Variants in FGF1 observed in about 807,000 individuals in gnomAD.
The protein encoded by FGF1 is fibroblast growth factor 1.
FGF1 carries 9 observed loss-of-function variants against 13.4 expected under a neutral mutation model. The ratio of observed to expected loss-of-function variants is 0.67; its 90% confidence interval spans 0.40 to 1.17. The LOEUF (loss-of-function observed/expected upper bound fraction) is 1.17. Among genes scored for constraint, FGF1 ranks in the 50% most tolerant of loss-of-function variants. FGF1 has a pLI of 0.01. For missense variants in FGF1, 156 were observed against 192.7 expected (o/e 0.81, Z 1.13); for synonymous variants, 93 against 79.0 (o/e 1.18, Z -0.94).
intron 1 of FGF1, among the ~76,000 whole-genome samples, chr5:142,652,535 C>T (rs1188763956): frequency 2.6e-5 from 4 of 152,176 alleles, no homozygotes; most frequent in African/African-American, 9.7e-5. Flanking sequence ...GAGCTAATTA[C>T]CCTGAAGACC....
At chr5:142,616,431 C>T (rs1025915045) in intron 1 of FGF1, among the ~76,000 whole-genome samples, 6 of 151,994 alleles carry the variant, frequency 3.9e-5, no homozygotes, top group African/African-American at 1.2e-4. Context: ...GGTGAAACTT[C>T]GATTAATTCT....
At chr5:142,596,949 A>G (rs1755411897) in intron 3 of FGF1, among the ~76,000 whole-genome samples, 1 of 152,222 alleles carries the variant, frequency 6.6e-6, no homozygotes, top group Non-Finnish European at 1.5e-5. Flanking sequence ...TATCATCAAA[A>G]TGTCATGTTT....
At chr5:142,681,038 A>G (rs1053305882) in intron 1 of FGF1, among the ~76,000 whole-genome samples, 2 of 152,162 alleles carry the variant, frequency 1.3e-5, no homozygotes, top group Non-Finnish European at 2.9e-5. Context: ...TTCCTGGAGG[A>G]GCAGAGATGA....
upstream of FGF1, among the ~76,000 whole-genome samples, chr5:142,689,172 C>T (rs1419493930): frequency 1.3e-5 from 2 of 152,168 alleles, no homozygotes; most frequent in Non-Finnish European, 2.9e-5. Flanking sequence ...ACAAATGATA[C>T]AGTTATGTGA....
intron 1 of FGF1, among the ~76,000 whole-genome samples, chr5:142,677,790 C>T (rs953701418): frequency 4.6e-5 from 7 of 152,170 alleles, no homozygotes; most frequent in Admixed American, 1.3e-4. Context: ...TAGCAGGGAG[C>T]AAAACAGACA....
chr5:142,642,205 G>A (rs918041158), intron 1 of FGF1, among the ~76,000 whole-genome samples: 9 of 152,170 alleles, frequency 5.9e-5, no homozygotes, highest in Non-Finnish European at 1.3e-4. Flanking sequence ...GGTGCTGTCA[G>A]CAGTGACCTT....
intron 1 of FGF1, among the ~76,000 whole-genome samples, chr5:142,676,143 G>C (rs535905859): frequency 2.0e-5 from 3 of 152,096 alleles, no homozygotes; most frequent in Admixed American, 1.3e-4. Context: ...AAAAAAGGCC[G>C]ACAAAGGAAC....
rs1318447451 is a variant in FGF1, at chr5:142,593,343, AC to A, written c.*1946del. Reference sequence around the variant, plus strand: ...AAAACAGATTGATCTTATCCAAGTAACAAAAACAAAAAAGTTATGAAATTAT... The same window carrying A: ...AAAACAGATTGATCTTATCCAAGTAAAAAAACAAAAAAGTTATGAAATTAT... On this transcript the variant is annotated 3_prime_UTR_variant, in exon 4 of 4. Coordinates refer to ENST00000337706, the MANE Select transcript of FGF1 (RefSeq NM_000800.5). The A allele has an allele frequency of 6.6e-6, 1 of 152,262 alleles. No individual in the cohort carries two copies. The highest frequency in any genetic ancestry group is 2.4e-5 in the African/African-American group (1 of 41,466). The allele number at this position is 152,262 out of a possible 1,614,324, so 9.4% of individuals were successfully genotyped here.
At chr5:142,645,214 G>C (rs1343316042) in intron 1 of FGF1, among the ~76,000 whole-genome samples, 1 of 152,194 alleles carries the variant, frequency 6.6e-6, no homozygotes. Context: ...ACAATGGAGT[G>C]AGTATTCCCT....
intron 1 of FGF1, among the ~76,000 whole-genome samples, chr5:142,646,057 T>C (rs555376172): frequency 1.5e-4 from 23 of 152,086 alleles, no homozygotes; most frequent in South Asian, 4.2e-4. Flanking sequence ...TACAGGCGCC[T>C]GCCACCACAC....
intron 2 of FGF1, among the ~76,000 whole-genome samples, chr5:142,696,473 C>T (rs1216023672): frequency 6.6e-6 from 1 of 152,166 alleles, no homozygotes; most frequent in Non-Finnish European, 1.5e-5. Flanking sequence ...CACATTCGTT[C>T]TATGAGATTG....
intron 1 of FGF1, among the ~76,000 whole-genome samples, chr5:142,649,933 A>C (rs1026630417): frequency 2.6e-5 from 4 of 152,264 alleles, no homozygotes; most frequent in Non-Finnish European, 5.9e-5. Context: ...AATCAGAATT[A>C]CATGAGACAT....
chr5:142,658,314 T>G (rs964577812), intron 1 of FGF1, among the ~76,000 whole-genome samples: 2 of 152,272 alleles, frequency 1.3e-5, no homozygotes, highest in African/African-American at 4.8e-5. Context: ...TTTCTCTCTG[T>G]AGCTTATTCC....
intron 1 of FGF1, among the ~76,000 whole-genome samples, chr5:142,615,709 A>G (rs904227075): frequency 2.6e-5 from 4 of 152,226 alleles, no homozygotes; most frequent in African/African-American, 9.6e-5. Context: ...AATAAAACCA[A>G]AGCTTACAGA....
chr5:142,598,484 G>A (rs1273019603), intron 3 of FGF1, among the ~76,000 whole-genome samples: 1 of 151,622 alleles, frequency 6.6e-6, no homozygotes, highest in Non-Finnish European at 1.5e-5. Flanking sequence ...AATTACATAG[G>A]TGACATATAC....
intron 2 of FGF1, among the ~76,000 whole-genome samples, chr5:142,606,210 TTCTCTC>T (rs66960743): frequency 1.0e-5 from 1 of 95,770 alleles, no homozygotes; most frequent in African/African-American, 4.0e-5. Context: ...GCAACATTCT[TTCTCTC>T]TCTGTGTGTG....
intron 1 of FGF1, among the ~76,000 whole-genome samples, chr5:142,616,367 C>T (rs1402201519): frequency 1.3e-5 from 2 of 152,184 alleles, no homozygotes; most frequent in Admixed American, 1.3e-4. Context: ...TCGCAAATAC[C>T]ATATAAACTA....
chr5:142,690,711 G>A (rs1752063341), upstream of FGF1, among the ~76,000 whole-genome samples: 1 of 152,202 alleles, frequency 6.6e-6, no homozygotes, highest in Admixed American at 6.5e-5. Context: ...CATTTCAGAA[G>A]GAACCTGCTA....
intron 2 of FGF1, among the ~76,000 whole-genome samples, chr5:142,603,530 G>C (rs1173191594): frequency 6.6e-6 from 1 of 152,190 alleles, no homozygotes; most frequent in Non-Finnish European, 1.5e-5. Context: ...CACTCTGAGA[G>C]GAAGGGCAGA....
Sources: allele counts gnomAD v4.1 joint callset (sites outside exome capture counted in the v4.1 genomes callset), GRCh38; gene constraint gnomAD v4.1.1; transcripts MANE v1.5; gene names NCBI Gene and HGNC (gene_info 2026-07-23, HGNC 2026-07-21).